Variants in ANKHD1 observed in about 807,000 individuals in gnomAD.
The protein encoded by ANKHD1 is ankyrin repeat and KH domain containing 1.
A neutral mutation model predicts 230.5 loss-of-function variants in ANKHD1; 31 were observed. The observed-to-expected ratio is 0.13, with a 90% confidence interval of 0.10 to 0.18. The LOEUF is 0.18. ANKHD1 is among the 10% of genes least tolerant of loss of function. The pLI, the probability that ANKHD1 is intolerant of heterozygous loss-of-function variation, is 1.00. For missense variants in ANKHD1, 2,256 were observed against 3,071.3 expected (o/e 0.73, Z 6.27); for synonymous variants, 1,074 against 1,117.6 (o/e 0.96, Z 0.78).
rs1218852804 is a variant in ANKHD1, at chr5:140,537,503, C to G, written c.7142C>G (p.Ser2381Cys). Reference protein sequence around the residue: ...ERLARIRQGGSVAQAPAGTSF... With the variant: ...ERLARIRQGGCVAQAPAGTSF... ...CTGGCCCGAATTCGGCAAGGAGGGT[C>G]TGTTGCACAAGCCCCGGCGGGGACC... The change falls in exon 31 of 34, where the codon TCT (serine) becomes TGT (cysteine). Residue 2381 changes from serine (S) to cysteine (C), a missense_variant. Ser to Cys is a moderately radical substitution (Grantham distance 112). Around this residue, in one of 13 missense-constraint regions of ANKHD1, gnomAD observed 778 missense variants for 966.5 expected, o/e 0.80. Transcript: ENST00000360839. 1 of 1,613,944 alleles carries G rather than the reference C, an allele frequency of 6.2e-7. No individual in the cohort carries two copies. The highest frequency in any genetic ancestry group is 1.3e-5 in the African/African-American group (1 of 74,936).
chr5:140,508,613 G>A (rs1236738078), intron 20 of ANKHD1, among the ~76,000 whole-genome samples: 2 of 151,994 alleles, frequency 1.3e-5, no homozygotes, highest in African/African-American at 4.8e-5. Flanking sequence ...AAAATTAGCT[G>A]GACGTGGTGG....
At chr5:140,532,852 G>A (rs1203198088) in intron 29 of ANKHD1, 1 of 395,672 alleles carries the variant, frequency 2.5e-6, no homozygotes, top group Non-Finnish European at 5.0e-6. Context: ...TCACGCCTGT[G>A]CTGGGAGGCT....
intron 29 of ANKHD1, among the ~76,000 whole-genome samples, chr5:140,531,742 T>C (rs551678815): frequency 6.6e-6 from 1 of 152,280 alleles, no homozygotes; most frequent in Admixed American, 6.5e-5. Context: ...TATGATCCCA[T>C]TATTCTACTC....
chr5:140,427,941 G>T (rs979179720), intron 1 of ANKHD1, among the ~76,000 whole-genome samples: 4 of 150,044 alleles, frequency 2.7e-5, no homozygotes, highest in African/African-American at 9.9e-5. Context: ...CAGGCAGAGG[G>T]TCTCCTCACT....
chr5:140,437,949 T>C (rs947897992), intron 2 of ANKHD1, among the ~76,000 whole-genome samples: 13 of 152,184 alleles, frequency 8.5e-5, no homozygotes, highest in Non-Finnish European at 1.8e-4. Context: ...CATTGGGTAT[T>C]GTGTATATAA....
chr5:140,464,745 C>A lies in ANKHD1; in HGVS notation c.1751C>A (p.Ala584Glu). The A allele has an allele frequency of 6.2e-7, 1 of 1,607,446 alleles. No individual in the cohort carries two copies. The highest frequency in any genetic ancestry group is 8.5e-7 in the Non-Finnish European group (1 of 1,175,254). The part of the protein sequence containing the change: ...YACENGHTDV[A>E]DVLLQAGADL... ...TGTGAAAATGGACATACGGATGTTG[C>A]AGATGTTTTACTTCAAGCAGGGGCT... is the stretch of plus-strand genomic sequence containing the variant. The change falls in exon 10 of 34, where the codon GCA becomes GAA. Residue 584 changes from alanine (A) to glutamate (E), a missense_variant. By Grantham distance (107) the Ala-to-Glu change is moderately radical. This residue lies in a region of ANKHD1 where 179 missense variants were observed against 261.8 expected (regional missense o/e 0.68). Transcript: ENST00000360839.
chr5:140,402,225 C>T lies in ANKHD1; in HGVS notation c.258C>T (p.Thr86=), dbSNP rs754889342. 27 of 1,520,296 alleles carry T rather than the reference C, an allele frequency of 1.8e-5. No individual in the cohort carries two copies. Among genetic ancestry groups the T allele is most frequent in the African/African-American group, 2.8e-5 (2 of 70,976 alleles). The allele number at this position is 1,520,296 out of a possible 1,614,324, so 94.2% of individuals were successfully genotyped here. A position where few individuals can be genotyped will look rare whatever the true frequency, so the allele number is the denominator to read the frequency against. ...AGTTGGCGGCTGCCGTGCTGAGGAC[C>T]GGGGGTGGAGGTGGTGCCTCTGGCA... ...DFKLAAAVLR[T]GGGGGASGSD... The change falls in exon 1 of 34, where the codon ACC becomes ACT. Residue 86 remains threonine, a synonymous_variant. Coordinates refer to ENST00000360839, the MANE Select transcript of ANKHD1 (RefSeq NM_017747.3).
At chr5:140,479,748 A>G (rs1035281221) in intron 10 of ANKHD1, among the ~76,000 whole-genome samples, 1 of 149,440 alleles carries the variant, frequency 6.7e-6, no homozygotes, top group Non-Finnish European at 1.5e-5. Context: ...ATATATACTT[A>G]TATATATACC....
At chr5:140,440,383 C>G (rs1773762282) in intron 4 of ANKHD1, 117 bp downstream of exon 4, 3 of 1,376,724 alleles carry the variant, frequency 2.2e-6, no homozygotes, top group South Asian at 1.8e-5. Context: ...TTCCCCCATC[C>G]TCCTTCCCTT....
chr5:140,476,289 A>AG (rs1750962733), intron 10 of ANKHD1, among the ~76,000 whole-genome samples: 1 of 152,110 alleles, frequency 6.6e-6, no homozygotes, highest in Non-Finnish European at 1.5e-5. Flanking sequence ...CCTGAAGGAG[A>AG]GGATAGAAAT....
chr5:140,425,703 A>G (rs541816032), intron 1 of ANKHD1, among the ~76,000 whole-genome samples: 4 of 152,316 alleles, frequency 2.6e-5, no homozygotes, highest in East Asian at 1.9e-4. Flanking sequence ...TTTGCTGAGT[A>G]TATTAGGCCT....
chr5:140,419,784 TTCTTTC>T (rs772397260), intron 1 of ANKHD1, among the ~76,000 whole-genome samples: 1 of 68,606 alleles, frequency 1.5e-5, no homozygotes, highest in African/African-American at 5.3e-5. Context: ...TTTTCTTTCT[TTCTTTC>T]TTTCTTTCTT....
chr5:140,500,631 A>AGAGC (rs1460951862), intron 15 of ANKHD1, among the ~76,000 whole-genome samples: 1 of 144,014 alleles, frequency 6.9e-6, no homozygotes, highest in African/African-American at 2.6e-5. Context: ...ATGGGGCAAC[A>AGAGC]GAGCGAGACT....
Position 140,464,868 on chromosome 5 carries a change from G to A in ANKHD1, c.1782+92G>A, listed in dbSNP as rs1322075691. On this transcript the variant is annotated intron_variant, in intron 10 of 33. Transcript: ENST00000360839. Reference sequence around the variant, plus strand: ...AAAACACTAAAGATCAATGGTTTGCGTACTTTGTATACAGTAACTTAAAAA... The same window carrying A: ...AAAACACTAAAGATCAATGGTTTGCATACTTTGTATACAGTAACTTAAAAA... The A allele has an allele frequency of 2.9e-5, 37 of 1,290,546 alleles. No individual in the cohort carries two copies. The East Asian group carries it at 5.6e-4, about 19-fold the overall frequency. 79.9% of individuals were successfully genotyped at this position (1,290,546 alleles called of 1,614,324 possible). A position where few individuals can be genotyped will look rare whatever the true frequency, so the allele number is the denominator to read the frequency against.
rs190730011 is a variant in ANKHD1 at position 140,403,897 on chromosome 5, A to G, written c.306+1624A>G. ...AATAAGGAGAAATTATTTGTGGGTT[A>G]CAGACTGCAGTTAGTATACTGTCTT... On this transcript the variant is annotated intron_variant, in intron 1 of 33. Transcript: ENST00000360839. Among the ~76,000 whole-genome samples the G allele has an allele frequency of 7.2e-5, 11 of 152,320 alleles. No individual in the cohort carries two copies. The East Asian group carries it at 2.1e-3, about 29-fold the overall frequency.
At chr5:140,457,811 A>G (rs920473678) in intron 7 of ANKHD1, among the ~76,000 whole-genome samples, 1 of 151,994 alleles carries the variant, frequency 6.6e-6, no homozygotes, top group African/African-American at 2.4e-5. Context: ...TATGTAACAA[A>G]CCTGCATGTT....
In ANKHD1 at chr5:140,510,588, G is replaced by C. The variant is rs116312461; in HGVS notation, c.4104+407G>C. On this transcript the variant is annotated intron_variant, in intron 22 of 33. Coordinates refer to ENST00000360839, the MANE Select transcript of ANKHD1 (RefSeq NM_017747.3). ...AGCCTCCCAAAGTGCTAGGATTACA[G>C]GCTCCCGACCTTATCTTTCCATTCT... Among the ~76,000 whole-genome samples the C allele has an allele frequency of 6.0e-3, 913 of 152,108 alleles. 1 individual carries two copies. The highest frequency in any genetic ancestry group is 9.7e-3 in the Non-Finnish European group (658 of 67,972).
chr5:140,474,584 CT>C (rs1164870858), intron 10 of ANKHD1, among the ~76,000 whole-genome samples: 112 of 143,000 alleles, frequency 7.8e-4, no homozygotes, highest in Non-Finnish European at 1.2e-3. Flanking sequence ...TCATCAGAAC[CT>C]TTTTTTTTTC....
At chr5:140,501,748 C>CA (rs146816266) in intron 15 of ANKHD1, among the ~76,000 whole-genome samples, 29,260 of 143,948 alleles carry the variant, frequency 0.2, 3,255 homozygotes, top group East Asian at 0.29. Context: ...GACTTCATCT[C>CA]AAAAAAAAAA....
Sources: gnomAD v4.1 joint callset for allele counts (sites outside exome capture counted in the v4.1 genomes callset) on GRCh38, gnomAD v4.1.1 for gene constraint, gnomAD v4.1.1 regional missense constraint, MANE v1.5 for transcripts, NCBI Gene and HGNC (gene_info 2026-07-23, HGNC 2026-07-21) for gene names.